CACNA1D: variants seen among roughly 807,000 people sequenced by gnomAD.
CACNA1D encodes calcium voltage-gated channel subunit alpha1 D, also known as voltage-dependent L-type calcium channel subunit alpha-1D.
Under a neutral mutation model 257.1 loss-of-function variants are expected in CACNA1D, and 55 were observed. The observed-to-expected ratio is 0.21, with a 90% CI of 0.17 to 0.27. The LOEUF (loss-of-function observed/expected upper bound fraction) is 0.27. Ranked by LOEUF, CACNA1D falls within the 10% of genes least tolerant of loss-of-function variation. CACNA1D has a pLI of 1.00. For synonymous variants in CACNA1D, 980 were observed against 1,014.9 expected, an observed-to-expected ratio of 0.97 and a Z score of 0.65; for missense variants, 1,876 against 2,784.0, an observed-to-expected ratio of 0.67 and a Z score of 7.34.
At chr3:53,585,024 T>G (rs1345633175) in intron 3 of CACNA1D, among the ~76,000 whole-genome samples, 1 of 141,598 alleles carries the variant, frequency 7.1e-6, no homozygotes, top group African/African-American at 2.7e-5. Context: ...CTACTTGTTC[T>G]TTTGTCTTTT....
intron 8 of CACNA1D, among the ~76,000 whole-genome samples, chr3:53,701,477 G>A (rs2094625284): frequency 6.6e-6 from 1 of 152,138 alleles, no homozygotes; most frequent in Admixed American, 6.5e-5. Flanking sequence ...TCGTGGGTTG[G>A]GTTGGGTTGA....
rs766992235 is a variant in CACNA1D, at chr3:53,666,487, T to C, written c.1068T>C (p.Thr356=). ...ATAACTTTGCCTTTGCCATGCTTAC[T>C]GTGTTTCAGTGCATCACCATGGAGG... ...NFDNFAFAML[T]VFQCITMEGW... Residue 356 remains threonine, a synonymous_variant, in exon 7 of 48, where the codon ACT becomes ACC. Transcript: ENST00000350061. The C allele has an allele frequency of 9.3e-6, 15 of 1,614,114 alleles. No homozygotes were observed. Among genetic ancestry groups the C allele is most frequent in the Non-Finnish European group, 1.3e-5 (15 of 1,180,048 alleles).
intron 14 of CACNA1D, 130 bp downstream of exon 14, chr3:53,724,129 C>T (rs1382424993): frequency 2.6e-6 from 2 of 770,478 alleles, no homozygotes; most frequent in African/African-American, 3.4e-5. Context: ...TAATCATAGC[C>T]TGGTAAATTT....
chr3:53,641,761 T>C (rs578226350), intron 3 of CACNA1D, among the ~76,000 whole-genome samples: 4 of 152,126 alleles, frequency 2.6e-5, no homozygotes, highest in Admixed American at 6.5e-5. Flanking sequence ...ACGGAAAAGA[T>C]TGAAGGAGGG....
Position 53,724,014 on chromosome 3 carries a change from C to G in CACNA1D, c.2100+15C>G, listed in dbSNP as rs1270301149. The G allele has an allele frequency of 6.2e-6, 10 of 1,603,280 alleles. No individual in the cohort carries two copies. Among genetic ancestry groups the G allele is most frequent in the Middle Eastern group, 3.3e-4 (2 of 6,038 alleles). On this transcript the variant is annotated intron_variant, in intron 14 of 47. Transcript: ENST00000350061. ...CAGTGTTCCAGGTGAGTCCTCCCTC[C>G]ATTCCCCGAAAAGCACTTCGTGAGC...
rs533046755 is a variant in CACNA1D at position 53,497,397 on chromosome 3, G to A, written c.313G>A (p.Ala105Thr). Residue 105 changes from alanine (A) to threonine (T), a missense_variant, in exon 2 of 48, where the codon GCC becomes ACC. Physicochemically the swap from Ala to Thr is moderately conservative, Grantham distance 58. Around this residue, in one of 10 missense-constraint regions of CACNA1D, gnomAD observed 143 missense variants for 168.7 expected, o/e 0.85. Transcript: ENST00000350061. ...GNSSNSRPAR[A>T]LFCLSLNNPI... The stretch of plus-strand genomic sequence containing the variant: ...CTCGTCCAACAGCCGACCTGCCCGC[G>A]CCCTTTTCTGTTTATCACTCAATAA... 5 of 1,614,124 alleles carry A rather than the reference G, an allele frequency of 3.1e-6. No individual in the cohort carries two copies. The highest frequency in any genetic ancestry group is 1.3e-5 in the African/African-American group (1 of 75,022).
At chr3:53,559,421 A>G (rs937392543) in intron 3 of CACNA1D, among the ~76,000 whole-genome samples, 1 of 152,112 alleles carries the variant, frequency 6.6e-6, no homozygotes, top group Non-Finnish European at 1.5e-5. Context: ...GACATCTTGA[A>G]TATTTTTATT....
intron 3 of CACNA1D, among the ~76,000 whole-genome samples, chr3:53,555,035 G>A (rs2092611786): frequency 6.6e-6 from 1 of 152,152 alleles, no homozygotes; most frequent in Non-Finnish European, 1.5e-5. Flanking sequence ...ATTTTAAAGA[G>A]AATATAATGA....
At position 53,770,244 on chromosome 3, in the gene CACNA1D, C is replaced by T. The variant is rs143501018; in HGVS notation, c.3916-180C>T. Among the ~76,000 whole-genome samples, 852 of 152,280 alleles carry T rather than the reference C, an allele frequency of 5.6e-3. 7 individuals are homozygous for T. Among genetic ancestry groups the T allele is most frequent in the African/African-American group, 0.019 (801 of 41,558 alleles). On this transcript the variant is annotated intron_variant, in intron 31 of 47. Transcript: ENST00000350061. Reference sequence around the variant, plus strand: ...CATGTGCTGTGTGGACGCAGTTTTCCGAGCTCTGTGTTGTTAGCATGTAAC... The same window carrying T: ...CATGTGCTGTGTGGACGCAGTTTTCTGAGCTCTGTGTTGTTAGCATGTAAC...
At chr3:53,715,315 G>C (rs2094806695) in intron 9 of CACNA1D, among the ~76,000 whole-genome samples, 1 of 152,068 alleles carries the variant, frequency 6.6e-6, no homozygotes, top group African/African-American at 2.4e-5. Context: ...TGGCTCTTTA[G>C]GTGTCAAACA....
At chr3:53,705,228 G>A (rs2094674398) in intron 9 of CACNA1D, among the ~76,000 whole-genome samples, 2 of 152,180 alleles carry the variant, frequency 1.3e-5, no homozygotes, top group Admixed American at 6.5e-5. Context: ...GGCGATGTGA[G>A]GAAGGCTCCG....
At chr3:53,553,065 G>A (rs1313264321) in intron 3 of CACNA1D, among the ~76,000 whole-genome samples, 1 of 152,178 alleles carries the variant, frequency 6.6e-6, no homozygotes, top group African/African-American at 2.4e-5. Context: ...ACCTGCACGT[G>A]CATGAAAGCA....
In CACNA1D at chr3:53,593,954, C is replaced by T. The variant is rs559360855; in HGVS notation, c.484-56825C>T. On this transcript the variant is annotated intron_variant, in intron 3 of 47. Transcript: ENST00000350061. ...TTAGGATGCATTCTTCAGGGAGCTG[C>T]AGCTTTTCTTAGAAGGTGGAAAAAG... Among the ~76,000 whole-genome samples the T allele has an allele frequency of 3.9e-5, 6 of 152,272 alleles. No homozygotes were observed. The East Asian group carries it at 1.2e-3, about 29-fold the overall frequency.
chr3:53,600,524 A>G (rs1230522660), intron 3 of CACNA1D, among the ~76,000 whole-genome samples: 1 of 152,240 alleles, frequency 6.6e-6, no homozygotes, highest in Admixed American at 6.5e-5. Context: ...ACCAAAAGTA[A>G]TGTGCCCAAA....
At chr3:53,680,365 T>C (rs1451827928) in intron 8 of CACNA1D, among the ~76,000 whole-genome samples, 1 of 151,834 alleles carries the variant, frequency 6.6e-6, no homozygotes, top group African/African-American at 2.4e-5. Context: ...TTTTTAATAA[T>C]GTACAGAAAG....
At chr3:53,656,076 A>G (rs957016672) in intron 4 of CACNA1D, among the ~76,000 whole-genome samples, 3 of 152,138 alleles carry the variant, frequency 2.0e-5, no homozygotes, top group Admixed American at 2.0e-4. Context: ...TTTGTCGAAG[A>G]TCAGATGGTC....
intron 42 of CACNA1D, among the ~76,000 whole-genome samples, chr3:53,801,816 G>A (rs774201619): frequency 3.6e-4 from 55 of 152,212 alleles, no homozygotes; most frequent in Non-Finnish European, 4.7e-4. Context: ...CAGCTCTGCC[G>A]TTGCAGTGTG....
chr3:53,709,137 C>T, intron 9 of CACNA1D, among the ~76,000 whole-genome samples: 1 of 152,172 alleles, frequency 6.6e-6, no homozygotes, highest in East Asian at 1.9e-4. Context: ...CAGTGCTTGT[C>T]CCATACATGA....
intron 17 of CACNA1D, among the ~76,000 whole-genome samples, chr3:53,731,470 A>G (rs775601545): frequency 4.6e-5 from 7 of 152,232 alleles, no homozygotes; most frequent in Non-Finnish European, 7.3e-5. Flanking sequence ...CTGAGTGGGT[A>G]TGAAAATCGC....
Sources: gnomAD v4.1 joint callset for allele counts (sites outside exome capture counted in the v4.1 genomes callset) on GRCh38, gnomAD v4.1.1 for gene constraint, gnomAD v4.1.1 regional missense constraint, MANE v1.5 for transcripts, NCBI Gene and HGNC (gene_info 2026-07-23, HGNC 2026-07-21) for gene names.